The following CCDC91 variants were observed in gnomAD, a reference collection of about 807,000 sequenced individuals.
CCDC91 encodes coiled-coil domain containing 91.
CCDC91 carries 48 observed loss-of-function variants against 63.2 expected under a neutral mutation model. The observed-to-expected ratio is 0.76, with a 90% CI of 0.60 to 0.97. The LOEUF (loss-of-function observed/expected upper bound fraction) is 0.97, where lower values mean the gene tolerates loss of function less well. CCDC91 is among the 50% of genes least tolerant of loss of function. CCDC91 has a pLI of 0.00. For missense variants in CCDC91, 500 were observed against 494.6 expected (o/e 1.01, Z -0.10); for synonymous variants, 167 against 165.8 (o/e 1.01, Z -0.06).
At chr12:28,394,384 T>C (rs1195216712) in intron 8 of CCDC91, among the ~76,000 whole-genome samples, 1 of 151,776 alleles carries the variant, frequency 6.6e-6, no homozygotes, top group Non-Finnish European at 1.5e-5. Flanking sequence ...GAGAATGGCG[T>C]GAACCTGGGA....
At chr12:28,481,063 T>G (rs1430513095) in intron 11 of CCDC91, among the ~76,000 whole-genome samples, 1 of 152,004 alleles carries the variant, frequency 6.6e-6, no homozygotes, top group African/African-American at 2.4e-5. Context: ...AAAAACTGAT[T>G]CCAGTCATTT....
chr12:28,342,229 A>G (rs555327638), intron 6 of CCDC91, among the ~76,000 whole-genome samples: 2 of 152,342 alleles, frequency 1.3e-5, no homozygotes, highest in South Asian at 4.1e-4. Context: ...GCCCTTCCCT[A>G]GAGCCTCCAG....
chr12:28,201,349 G>A (rs2083662), intron 1 of CCDC91, among the ~76,000 whole-genome samples: 7 of 149,022 alleles, frequency 4.7e-5, no homozygotes, highest in South Asian at 2.1e-4. Flanking sequence ...CCTCCCAGAC[G>A]GGGTCGCGGC....
At chr12:28,338,160 A>T (rs1426258081) in intron 6 of CCDC91, among the ~76,000 whole-genome samples, 1 of 152,048 alleles carries the variant, frequency 6.6e-6, no homozygotes, top group Non-Finnish European at 1.5e-5. Context: ...AAATGGTAGG[A>T]TATGGTCTTT....
At position 28,537,248 on chromosome 12, in the gene CCDC91, C is replaced by T. The variant is rs149573450; in HGVS notation, c.1216-11815C>T. Among the ~76,000 whole-genome samples the T allele has an allele frequency of 2.4e-3, 361 of 152,210 alleles. 7 individuals carry two copies. The highest frequency in any genetic ancestry group is 8.1e-3 in the African/African-American group (338 of 41,526). On this transcript the variant is annotated intron_variant, in intron 12 of 12. Coordinates refer to ENST00000536442, the MANE Select transcript of CCDC91 (RefSeq NM_018318.5). Reference sequence around the variant, plus strand: ...GGGGAAAAAAAGGAGGAGGCACTTGCCAATGCAAGTTAAACAAATTTTCTT... The same window carrying T: ...GGGGAAAAAAAGGAGGAGGCACTTGTCAATGCAAGTTAAACAAATTTTCTT...
At chr12:28,271,678 C>T (rs1459772499) in intron 3 of CCDC91, among the ~76,000 whole-genome samples, 5 of 151,734 alleles carry the variant, frequency 3.3e-5, no homozygotes, top group East Asian at 1.9e-4. Context: ...CTTTTCTTTC[C>T]GTAGTATCCC....
intron 6 of CCDC91, among the ~76,000 whole-genome samples, chr12:28,324,957 G>A (rs1416342747): frequency 1.3e-5 from 2 of 151,586 alleles, no homozygotes; most frequent in African/African-American, 4.8e-5. Flanking sequence ...TTTTATGAAC[G>A]AATGTCACTT....
At chr12:28,407,562 G>A (rs1407225846) in intron 8 of CCDC91, among the ~76,000 whole-genome samples, 3 of 152,114 alleles carry the variant, frequency 2.0e-5, no homozygotes, top group Non-Finnish European at 2.9e-5. Context: ...ATTTTACAAA[G>A]TTGTTTTGGA....
At chr12:28,266,192 T>C (rs1947173087) in intron 3 of CCDC91, among the ~76,000 whole-genome samples, 1 of 151,996 alleles carries the variant, frequency 6.6e-6, no homozygotes, top group Non-Finnish European at 1.5e-5. Context: ...TTTTTATTAA[T>C]GCATATGATA....
chr12:28,523,412 T>A (rs1019642574), intron 12 of CCDC91, among the ~76,000 whole-genome samples: 2 of 152,140 alleles, frequency 1.3e-5, no homozygotes, highest in African/African-American at 4.8e-5. Context: ...CCTTTTTTTG[T>A]TTTCCATTTG....
chr12:28,275,159 CA>C (rs1332399570), intron 3 of CCDC91, among the ~76,000 whole-genome samples: 1 of 151,926 alleles, frequency 6.6e-6, no homozygotes, highest in African/African-American at 2.4e-5. Flanking sequence ...AAAAACCCTT[CA>C]AAAAATCAAT....
intron 12 of CCDC91, among the ~76,000 whole-genome samples, chr12:28,515,448 T>C (rs535043391): frequency 6.6e-6 from 1 of 152,038 alleles, no homozygotes; most frequent in East Asian, 1.9e-4. Flanking sequence ...GCCCTGTTGG[T>C]ATTTCCCTAA....
intron 12 of CCDC91, among the ~76,000 whole-genome samples, chr12:28,509,061 G>A (rs1314500865): frequency 6.6e-6 from 1 of 151,852 alleles, no homozygotes; most frequent in African/African-American, 2.4e-5. Context: ...TAGCAGTTAT[G>A]GCATTTCTAT....
At chr12:28,444,554 T>TA (rs1490053641) in intron 8 of CCDC91, among the ~76,000 whole-genome samples, 1 of 152,142 alleles carries the variant, frequency 6.6e-6, no homozygotes, top group African/African-American at 2.4e-5. Context: ...TGGAGGCTAT[T>TA]ACCTTTAGCA....
intron 1 of CCDC91, among the ~76,000 whole-genome samples, chr12:28,195,083 C>T (rs1941646668): frequency 6.6e-6 from 1 of 152,214 alleles, no homozygotes; most frequent in South Asian, 2.1e-4. Flanking sequence ...TATTTGGCCC[C>T]ACTCACATCC....
At position 28,198,407 on chromosome 12, in the gene CCDC91, A is replaced by C. The variant is rs550765244; in HGVS notation, c.-15+7766A>C. Among the ~76,000 whole-genome samples the C allele has an allele frequency of 3.1e-4, 47 of 152,368 alleles. 1 individual carries two copies. The South Asian group carries it at 9.1e-3, about 30-fold the overall frequency. ...TAGACATCAGTAAAAGATAGTGATT[A>C]AAGATGAGATTAAGTATCATTTTAA... On this transcript the variant is annotated intron_variant, in intron 1 of 12. Coordinates refer to ENST00000536442, the MANE Select transcript of CCDC91 (RefSeq NM_018318.5).
intron 6 of CCDC91, among the ~76,000 whole-genome samples, chr12:28,350,001 T>A (rs771183862): frequency 3.9e-5 from 6 of 152,244 alleles, no homozygotes; most frequent in Non-Finnish European, 8.8e-5. Context: ...TTGGGTTTTC[T>A]GCAGTATTAT....
At chr12:28,530,775 A>G (rs1373391625) in intron 12 of CCDC91, among the ~76,000 whole-genome samples, 1 of 152,168 alleles carries the variant, frequency 6.6e-6, no homozygotes, top group Non-Finnish European at 1.5e-5. Flanking sequence ...AAACTGCTAA[A>G]TAAAGCAGTT....
At chr12:28,208,675 T>G (rs1384613683) in intron 1 of CCDC91, among the ~76,000 whole-genome samples, 1 of 152,238 alleles carries the variant, frequency 6.6e-6, no homozygotes, top group Admixed American at 6.5e-5. Flanking sequence ...AAATGATGAT[T>G]TAAAAAATTT....
Sources: allele counts gnomAD v4.1 joint callset (sites outside exome capture counted in the v4.1 genomes callset), GRCh38; gene constraint gnomAD v4.1.1; transcripts MANE v1.5; gene names NCBI Gene and HGNC (gene_info 2026-07-23, HGNC 2026-07-21).